NXF2B: variants seen among roughly 807,000 people sequenced by gnomAD.
The protein encoded by NXF2B is nuclear RNA export factor 2B.
chrX:102,386,198 G>A (rs1472830517), intron 2 of NXF2B, among the ~76,000 whole-genome samples: 1 of 115,038 alleles, frequency 8.7e-6, no homozygotes, highest in Non-Finnish European at 1.9e-5. Context: ...GCCCGCCTTG[G>A]CCTCCCAAAG....
At chrX:102,396,912 T>TG (rs1556392044) in intron 2 of NXF2B, among the ~76,000 whole-genome samples, 1 of 58,859 alleles carries the variant, frequency 1.7e-5, no homozygotes, top group Non-Finnish European at 3.2e-5. Context: ...CAGCACCTGT[T>TG]ATTCCTGACT....
In NXF2B at chrX:102,432,832, A is replaced by C. The variant is rs1361928976; in HGVS notation, c.-54+5721T>G. On this transcript the variant is annotated intron_variant, in intron 2 of 22. Transcript: ENST00000602195. ...GGTATCTACTTAAAGGAAATAAAAT[A>C]ACCACCTTTTGAAAGTAGCTGATCT... is the stretch of plus-strand genomic sequence containing the variant. Among the ~76,000 whole-genome samples the C allele has an allele frequency of 1.0e-4, 4 of 38,673 alleles. 1 individual carries two copies. The highest frequency in any genetic ancestry group is 2.2e-4 in the Non-Finnish European group (4 of 17,874). 33.6% of individuals were successfully genotyped at this position (38,673 alleles called of 115,157 possible).
chrX:102,426,484 TTGAC>T (rs1356351349), intron 2 of NXF2B, among the ~76,000 whole-genome samples: 53 of 55,272 alleles, frequency 9.6e-4, no homozygotes, highest in East Asian at 2.0e-3. Flanking sequence ...ACATGGTTGA[TTGAC>T]TGACTGACTG....
chrX:102,412,617 AAGAAGAAGAAGAAGAAGAAG>A (rs1556393147), intron 2 of NXF2B, among the ~76,000 whole-genome samples: 7 of 27,159 alleles, frequency 2.6e-4, no homozygotes, highest in Admixed American at 5.8e-4. Flanking sequence ...GAAGAAGAAG[AAGAAGAAGAAGAAGAAGAAG>A]AAGAAGAAGT....
At chrX:102,393,533 AAC>A (rs1934302977) in intron 2 of NXF2B, among the ~76,000 whole-genome samples, 1 of 23,076 alleles carries the variant, frequency 4.3e-5, no homozygotes, top group Non-Finnish European at 7.1e-5. Flanking sequence ...AAAAAAAAAA[AAC>A]AAACAAAACT....
chrX:102,393,547 A>AATATATATATATAT (rs782589671), intron 2 of NXF2B, among the ~76,000 whole-genome samples: 1 of 5,324 alleles, frequency 1.9e-4, no homozygotes, highest in African/African-American at 7.4e-4. Context: ...AACAAAACTA[A>AATATATATATATAT]ATATATATAT....
chrX:102,432,953 A>G (rs1934459020), intron 2 of NXF2B, among the ~76,000 whole-genome samples: 1 of 45,990 alleles, frequency 2.2e-5, no homozygotes, highest in Admixed American at 2.0e-4. Context: ...ACAGATGGAT[A>G]CAGAAAATGT....
intron 2 of NXF2B, among the ~76,000 whole-genome samples, chrX:102,435,719 T>C (rs377311097): frequency 0.37 from 25,060 of 67,740 alleles, 2,311 homozygotes; most frequent in Non-Finnish European, 0.45. Flanking sequence ...ATAATCCTAC[T>C]AGTGGGAATA....
chrX:102,388,448 C>G lies in NXF2B; in HGVS notation c.-53-8359G>C, dbSNP rs1472027251. On this transcript the variant is annotated intron_variant, in intron 2 of 22. Coordinates refer to the NXF2B transcript ENST00000602195. ...GTGCCAAACGCTCCTCCTCCACCACCCTCTTTATTTAATCATCAGTCCCTG... is the reference window on the plus strand; with the variant it reads ...GTGCCAAACGCTCCTCCTCCACCACGCTCTTTATTTAATCATCAGTCCCTG... Among the ~76,000 whole-genome samples, 3 of 1,384 alleles carry G rather than the reference C, an allele frequency of 2.2e-3. 1 individual carries two copies. The highest frequency in any genetic ancestry group is 2.5e-3 in the African/African-American group (3 of 1,211). The allele number at this position is 1,384 out of a possible 115,157, so 1.2% of individuals were successfully genotyped here.
intron 2 of NXF2B, among the ~76,000 whole-genome samples, chrX:102,432,113 T>TG (rs1420211006): frequency 1.7e-4 from 12 of 68,619 alleles, no homozygotes; most frequent in African/African-American, 3.7e-4. Flanking sequence ...TTTAATGGGG[T>TG]GGGGGGGCAC....
intron 2 of NXF2B, among the ~76,000 whole-genome samples, chrX:102,393,547 A>AATATATATATAT (rs782589671): frequency 3.8e-4 from 2 of 5,322 alleles, no homozygotes; most frequent in Non-Finnish European, 6.3e-4. Flanking sequence ...AACAAAACTA[A>AATATATATATAT]ATATATATAT....
intron 2 of NXF2B, chrX:102,426,973 G>C (rs1273361322): frequency 3.4e-5 from 2 of 58,767 alleles, no homozygotes; most frequent in African/African-American, 1.3e-4. Flanking sequence ...GGACGCTTTT[G>C]TGGGCAGACA....
intron 2 of NXF2B, among the ~76,000 whole-genome samples, chrX:102,405,049 A>G (rs1934351101): frequency 1.6e-5 from 1 of 64,141 alleles, no homozygotes; most frequent in African/African-American, 6.6e-5. Context: ...TGGGAGGCTG[A>G]GGCGGGAGGA....
At chrX:102,435,785 G>C (rs1556394730) in intron 2 of NXF2B, among the ~76,000 whole-genome samples, 1 of 91,332 alleles carries the variant, frequency 1.1e-5, no homozygotes, top group Non-Finnish European at 2.2e-5. Context: ...CATGTCCAGG[G>C]TTATTCGCGG....
intron 2 of NXF2B, among the ~76,000 whole-genome samples, chrX:102,398,152 A>G (rs1326991637): frequency 1.2e-5 from 1 of 84,133 alleles, no homozygotes; most frequent in Non-Finnish European, 2.3e-5. Flanking sequence ...GCCAACAAAC[A>G]TATGAAAAAA....
At chrX:102,405,150 C>T (rs1175133052) in intron 2 of NXF2B, among the ~76,000 whole-genome samples, 2 of 96,472 alleles carry the variant, frequency 2.1e-5, no homozygotes, top group Non-Finnish European at 4.2e-5. Context: ...ATTAGCCGGG[C>T]GTGGTGGCGG....
intron 2 of NXF2B, among the ~76,000 whole-genome samples, chrX:102,392,543 A>AATGGC (rs1467581214): frequency 1.0e-5 from 1 of 96,151 alleles, no homozygotes; most frequent in Non-Finnish European, 2.2e-5. Flanking sequence ...GGGGAGATTC[A>AATGGC]ATGGCACGTG....
chrX:102,412,614 AAGAAGAAGAAGAAGAAGAAGAAG>A (rs1556393143), intron 2 of NXF2B, among the ~76,000 whole-genome samples: 3 of 27,203 alleles, frequency 1.1e-4, no homozygotes, highest in African/African-American at 4.6e-4. Flanking sequence ...GAAGAAGAAG[AAGAAGAAGAAGAAGAAGAAGAAG>A]AAGAAGAAGT....
chrX:102,405,085 T>C, intron 2 of NXF2B, among the ~76,000 whole-genome samples: 1 of 73,227 alleles, frequency 1.4e-5, no homozygotes, highest in Non-Finnish European at 2.6e-5. Flanking sequence ...ATCGAGACCA[T>C]CCTGGCTAAC....
Sources: gnomAD v4.1 joint callset for allele counts (sites outside exome capture counted in the v4.1 genomes callset) on GRCh38, gnomAD v4.1.1 for gene constraint, MANE v1.5 for transcripts, NCBI Gene and HGNC (gene_info 2026-07-23, HGNC 2026-07-21) for gene names.